The following DGKB variants were observed in gnomAD, a reference collection of about 807,000 sequenced individuals.
DGKB encodes the protein 90 kDa diacylglycerol kinase.
A neutral mutation model predicts 114.3 loss-of-function variants in DGKB; 67 were observed. The ratio of observed to expected loss-of-function variants is 0.59; its 90% CI spans 0.48 to 0.72. The LOEUF (loss-of-function observed/expected upper bound fraction) is 0.72. Ranked by LOEUF, DGKB falls within the 30% of genes least tolerant of loss-of-function variation. DGKB has a pLI of 0.00. For synonymous variants in DGKB, 398 were observed against 323.1 expected (o/e 1.23, Z -2.49); for missense variants, 907 against 975.2 (o/e 0.93, Z 0.93).
At position 14,852,487 on chromosome 7, in the gene DGKB, C is replaced by CAAAAAAAAACAAACAAAACAA. The variant is rs1554304221; in HGVS notation, c.-187-11038_-187-11037insTTGTTTTGTTTGTTTTTTTTT. Among the ~76,000 whole-genome samples the CAAAAAAAAACAAACAAAACAA allele has an allele frequency of 1.9e-4, 12 of 63,620 alleles. 3 individuals carry two copies. Among genetic ancestry groups the CAAAAAAAAACAAACAAAACAA allele is most frequent in the Admixed American group, 8.0e-4 (5 of 6,212 alleles). The allele number at this position is 63,620 out of a possible 152,430, so 41.7% of individuals were successfully genotyped here. ...GAGGAATAGCTAAAATAGTGAAAGT[C>CAAAAAAAAACAAACAAAACAA]AAAAAAAAAACAGAAATCAAGCATA... On this transcript the variant is annotated intron_variant, in intron 1 of 25. Coordinates refer to ENST00000402815, the MANE Select transcript of DGKB (RefSeq NM_001350709.2).
At chr7:14,533,916 G>A (rs764825719) in intron 20 of DGKB, among the ~76,000 whole-genome samples, 1 of 151,976 alleles carries the variant, frequency 6.6e-6, no homozygotes, top group Non-Finnish European at 1.5e-5. Context: ...TACTAAGGAA[G>A]TTCTTCAAGT....
chr7:14,619,124 C>G (rs1207624070), intron 15 of DGKB, among the ~76,000 whole-genome samples: 4 of 151,222 alleles, frequency 2.6e-5, no homozygotes, highest in Non-Finnish European at 5.9e-5. Context: ...CAGGCTTTTG[C>G]ACATGATTAT....
intron 2 of DGKB, among the ~76,000 whole-genome samples, chr7:14,795,835 C>G (rs1841332369): frequency 6.6e-6 from 1 of 152,104 alleles, no homozygotes; most frequent in Admixed American, 6.6e-5. Context: ...GTTACTTAAT[C>G]TGTACAAGGG....
At chr7:14,755,727 T>A (rs1834776193) in intron 3 of DGKB, among the ~76,000 whole-genome samples, 1 of 152,138 alleles carries the variant, frequency 6.6e-6, no homozygotes, top group Non-Finnish European at 1.5e-5. Context: ...TCTTAATTAT[T>A]TTCAATTGGC....
intron 6 of DGKB, among the ~76,000 whole-genome samples, chr7:14,705,111 G>C (rs1459555063): frequency 2.7e-5 from 4 of 150,842 alleles, no homozygotes; most frequent in African/African-American, 9.7e-5. Context: ...AACCAATACA[G>C]AGAAGTGCTT....
At chr7:14,641,494 T>A (rs1811789798) in intron 13 of DGKB, among the ~76,000 whole-genome samples, 1 of 55,032 alleles carries the variant, frequency 1.8e-5, no homozygotes, top group South Asian at 4.7e-4. Context: ...CTTTCTCATT[T>A]TGGAAAAAAA....
rs562926379 is a variant in DGKB, at chr7:14,328,863, C to T, written c.2122+9652G>A. On this transcript the variant is annotated intron_variant, in intron 23 of 25. Coordinates refer to ENST00000402815, the MANE Select transcript of DGKB (RefSeq NM_001350709.2). Reference sequence around the variant, plus strand: ...TACTTAATCTGATTAATATCTGATACTGTACAACAGCTAACAAACCTTGCC... The same window carrying T: ...TACTTAATCTGATTAATATCTGATATTGTACAACAGCTAACAAACCTTGCC... 5.9e-5 allele frequency among the ~76,000 whole-genome samples: 9 copies of T among 152,048 alleles called. No homozygotes were observed. In the South Asian group the frequency reaches 1.7e-3, roughly 28 times the overall value.
At chr7:14,931,153 C>A (rs1784997805) in intron 1 of DGKB, among the ~76,000 whole-genome samples, 1 of 150,664 alleles carries the variant, frequency 6.6e-6, no homozygotes. Context: ...ATCCTGTCGC[C>A]CAGGCTAGAG....
intron 1 of DGKB, among the ~76,000 whole-genome samples, chr7:14,924,304 A>C (rs1784650266): frequency 1.3e-5 from 2 of 152,138 alleles, no homozygotes; most frequent in Admixed American, 1.3e-4. Flanking sequence ...GCTGTCAGTC[A>C]AATTGTGATT....
At position 14,811,563 on chromosome 7, in the gene DGKB, T is replaced by C. The variant is rs372294291; in HGVS notation, c.70+29631A>G. On this transcript the variant is annotated intron_variant, in intron 2 of 25. Coordinates refer to ENST00000402815, the MANE Select transcript of DGKB (RefSeq NM_001350709.2). ...TATTCAACGTGAAATTCTTTTCATA[T>C]GATTTGTAATTATTCCAAATACATA... Among the ~76,000 whole-genome samples, 16 of 152,322 alleles carry C rather than the reference T, an allele frequency of 1.1e-4. No individual in the cohort carries two copies. The South Asian group carries it at 3.1e-3, about 30-fold the overall frequency.
At chr7:14,480,849 GTATTCTATATAGCT>G (rs1782881533) in intron 20 of DGKB, among the ~76,000 whole-genome samples, 1 of 152,020 alleles carries the variant, frequency 6.6e-6, no homozygotes, top group African/African-American at 2.4e-5. Flanking sequence ...AATTGGAACA[GTATTCTATATAGCT>G]CATATTTTCA....
chr7:14,221,986 G>T (rs1790054152), intron 23 of DGKB, among the ~76,000 whole-genome samples: 1 of 150,936 alleles, frequency 6.6e-6, no homozygotes, highest in African/African-American at 2.4e-5. Context: ...TTTTTTAAAG[G>T]CTGATAGTAA....
chr7:14,245,725 C>T (rs1424937045), intron 23 of DGKB, among the ~76,000 whole-genome samples: 2 of 152,026 alleles, frequency 1.3e-5, no homozygotes, highest in Non-Finnish European at 2.9e-5. Context: ...GTGAGGAGTG[C>T]GAGATCAGCC....
intron 20 of DGKB, among the ~76,000 whole-genome samples, chr7:14,501,963 G>C (rs572981722): frequency 2.1e-4 from 32 of 152,038 alleles, no homozygotes; most frequent in Admixed American, 3.3e-4. Context: ...AAGATGGTGA[G>C]TATATTTTGC....
intron 21 of DGKB, among the ~76,000 whole-genome samples, chr7:14,451,720 C>G (rs1393959224): frequency 6.6e-6 from 1 of 151,854 alleles, no homozygotes; most frequent in East Asian, 1.9e-4. Context: ...AGAAAGATAC[C>G]CAGAACAACT....
At chr7:14,835,797 A>T (rs1847075230) in intron 2 of DGKB, among the ~76,000 whole-genome samples, 1 of 152,164 alleles carries the variant, frequency 6.6e-6, no homozygotes, top group Non-Finnish European at 1.5e-5. Flanking sequence ...TTAACATATC[A>T]ATCTTCATGA....
chr7:14,957,801 A>C (rs944888646), intron 1 of DGKB, among the ~76,000 whole-genome samples: 2 of 152,006 alleles, frequency 1.3e-5, no homozygotes, highest in Non-Finnish European at 2.9e-5. Context: ...AGTGTACCTG[A>C]AATTATTTAA....
intron 22 of DGKB, among the ~76,000 whole-genome samples, chr7:14,341,467 A>G (rs568692821): frequency 6.6e-6 from 1 of 151,972 alleles, no homozygotes; most frequent in African/African-American, 2.4e-5. Flanking sequence ...TGACTTTTAA[A>G]AAGGTAGCTA....
intron 20 of DGKB, among the ~76,000 whole-genome samples, chr7:14,515,450 C>T (rs568982056): frequency 6.6e-6 from 1 of 152,224 alleles, no homozygotes; most frequent in South Asian, 2.1e-4. Flanking sequence ...CCTGCTGTTA[C>T]AAATAAGTCA....
Sources: allele counts gnomAD v4.1 joint callset (sites outside exome capture counted in the v4.1 genomes callset), GRCh38; gene constraint gnomAD v4.1.1; transcripts MANE v1.5; gene names NCBI Gene and HGNC (gene_info 2026-07-23, HGNC 2026-07-21).